ANKRD6: variants seen among roughly 807,000 people sequenced by gnomAD.
The protein encoded by ANKRD6 is ankyrin repeat domain 6, also known as ankyrin repeat domain-containing protein 6.
A neutral mutation model predicts 82.3 loss-of-function variants in ANKRD6; 56 were observed. That is an observed-to-expected ratio of 0.68 (90% CI 0.55 to 0.85). ANKRD6 has a LOEUF of 0.85. Among genes scored for constraint, ANKRD6 ranks in the 40% least tolerant of loss-of-function variants. The pLI is 0.00. For synonymous variants in ANKRD6, 347 were observed against 352.1 expected (o/e 0.99, Z 0.16); for missense variants, 852 against 907.6 (o/e 0.94, Z 0.79).
Position 89,473,936 on chromosome 6 carries a change from G to A in ANKRD6, c.-144+40561G>A, listed in dbSNP as rs545803469. On this transcript the variant is annotated intron_variant, in intron 1 of 15. Transcript: ENST00000339746. ...CAGAGGTGAGAAGTGAGCCAAGATC[G>A]TGCCACTGCACTCAAGCCTGGACAA... Among the ~76,000 whole-genome samples the A allele has an allele frequency of 2.1e-4, 32 of 152,230 alleles. No homozygotes were observed. The South Asian group carries it at 6.6e-3, about 32-fold the overall frequency.
intron 1 of ANKRD6, among the ~76,000 whole-genome samples, chr6:89,538,144 G>GT (rs1482243271): frequency 2.0e-5 from 3 of 152,008 alleles, no homozygotes; most frequent in Non-Finnish European, 4.4e-5. Context: ...AACATTTTAA[G>GT]TTTTTTTAAT....
chr6:89,547,291 A>T (rs1785224002), intron 1 of ANKRD6, among the ~76,000 whole-genome samples: 1 of 152,156 alleles, frequency 6.6e-6, no homozygotes, highest in Non-Finnish European at 1.5e-5. Flanking sequence ...GAGGTGGGAA[A>T]CCACTGTTGG....
At chr6:89,493,554 C>A (rs1313840217) in intron 1 of ANKRD6, among the ~76,000 whole-genome samples, 1 of 152,146 alleles carries the variant, frequency 6.6e-6, no homozygotes, top group Non-Finnish European at 1.5e-5. Context: ...GGACTACAGG[C>A]ATGCACTATC....
Position 89,630,608 on chromosome 6 carries a change from C to G in ANKRD6, c.1788C>G (p.Ala596=). 1 of 1,613,900 alleles carries G rather than the reference C, an allele frequency of 6.2e-7. No individual in the cohort carries two copies. The highest frequency in any genetic ancestry group is 1.3e-5 in the African/African-American group (1 of 75,066). Residue 596 remains alanine (A), a synonymous_variant, in exon 16 of 16, where the codon GCC becomes GCG. Transcript: ENST00000339746. The part of the protein sequence containing the change: ...SRLRNVKVQT[A]LLPMNEAARS... ...TGAGAAACGTCAAGGTCCAGACAGC[C>G]TTGCTACCCATGAATGAGGCAGCCA...
At chr6:89,455,055 G>C (rs1208421072) in intron 1 of ANKRD6, among the ~76,000 whole-genome samples, 1 of 151,782 alleles carries the variant, frequency 6.6e-6, no homozygotes, top group Non-Finnish European at 1.5e-5. Flanking sequence ...TGTTGGCCAG[G>C]CTGGTCTCGA....
chr6:89,438,962 A>T (rs1282064082), intron 1 of ANKRD6, among the ~76,000 whole-genome samples: 1 of 152,074 alleles, frequency 6.6e-6, no homozygotes, highest in Non-Finnish European at 1.5e-5. Flanking sequence ...CTTTCTAAAC[A>T]TATATGTGTA....
At chr6:89,604,315 C>T (rs139627960) in intron 4 of ANKRD6, among the ~76,000 whole-genome samples, 2,305 of 151,006 alleles carry the variant, frequency 0.015, 70 homozygotes, top group African/African-American at 0.054. Flanking sequence ...GCAACAAGAG[C>T]GAAACTCTTG....
At chr6:89,510,357 G>A (rs1274135561) in intron 1 of ANKRD6, among the ~76,000 whole-genome samples, 3 of 151,770 alleles carry the variant, frequency 2.0e-5, no homozygotes, top group African/African-American at 7.3e-5. Context: ...CAAATAGGTT[G>A]GCCACTTAAA....
At chr6:89,441,944 C>T (rs1771449464) in intron 1 of ANKRD6, among the ~76,000 whole-genome samples, 1 of 151,528 alleles carries the variant, frequency 6.6e-6, no homozygotes, top group Non-Finnish European at 1.5e-5. Context: ...CCATGGTTTT[C>T]AAGAGGTCCT....
intron 1 of ANKRD6, among the ~76,000 whole-genome samples, chr6:89,521,739 C>A (rs890998704): frequency 6.6e-5 from 10 of 151,706 alleles, no homozygotes; most frequent in African/African-American, 2.2e-4. Flanking sequence ...GATCTATTTT[C>A]CTTTGTAAAA....
intron 1 of ANKRD6, among the ~76,000 whole-genome samples, chr6:89,523,149 T>G (rs898822983): frequency 7.9e-5 from 12 of 152,230 alleles, no homozygotes; most frequent in Non-Finnish European, 7.3e-5. Flanking sequence ...TGTATTGGGT[T>G]GTAGGCCTCA....
At chr6:89,547,691 T>A (rs1055084176) in intron 1 of ANKRD6, among the ~76,000 whole-genome samples, 3 of 152,168 alleles carry the variant, frequency 2.0e-5, no homozygotes, top group Non-Finnish European at 4.4e-5. Flanking sequence ...TTTAACTCCT[T>A]ACATAATATT....
chr6:89,467,571 T>C (rs1414292183), intron 1 of ANKRD6, among the ~76,000 whole-genome samples: 1 of 152,220 alleles, frequency 6.6e-6, no homozygotes, highest in Non-Finnish European at 1.5e-5. Flanking sequence ...TAGCTCCCCA[T>C]GTAGATCAAA....
intron 2 of ANKRD6, among the ~76,000 whole-genome samples, chr6:89,583,235 A>G (rs946272221): frequency 3.3e-5 from 5 of 152,342 alleles, no homozygotes; most frequent in Non-Finnish European, 5.9e-5. Context: ...GTGGTTAGAC[A>G]TCTGGAAGTT....
chr6:89,516,487 G>C (rs1220234567), intron 1 of ANKRD6, among the ~76,000 whole-genome samples: 1 of 151,926 alleles, frequency 6.6e-6, no homozygotes, highest in East Asian at 1.9e-4. Context: ...TTCCATTCTA[G>C]ATTTTTTTTA....
At chr6:89,509,488 T>A (rs752132902) in intron 1 of ANKRD6, among the ~76,000 whole-genome samples, 4 of 152,182 alleles carry the variant, frequency 2.6e-5, no homozygotes, top group Non-Finnish European at 5.9e-5. Context: ...GTGGGCTAAG[T>A]AAGACGTGGA....
At chr6:89,509,662 G>A (rs77183042) in intron 1 of ANKRD6, among the ~76,000 whole-genome samples, 2,810 of 152,154 alleles carry the variant, frequency 0.018, 91 homozygotes, top group African/African-American at 0.062. Context: ...TATGGTACTT[G>A]CGGCATTAGC....
At chr6:89,499,589 C>T (rs140827903) in intron 1 of ANKRD6, among the ~76,000 whole-genome samples, 15 of 152,166 alleles carry the variant, frequency 9.9e-5, no homozygotes, top group African/African-American at 3.4e-4. Flanking sequence ...TTATTTAGCA[C>T]CTGCAGGCCA....
intron 1 of ANKRD6, among the ~76,000 whole-genome samples, chr6:89,496,477 T>C (rs1470247645): frequency 6.6e-6 from 1 of 152,198 alleles, no homozygotes; most frequent in African/African-American, 2.4e-5. Flanking sequence ...TTTCTCCCTT[T>C]GCCCTTTCAG....
Sources: allele counts gnomAD v4.1 joint callset (sites outside exome capture counted in the v4.1 genomes callset), GRCh38; gene constraint gnomAD v4.1.1; transcripts MANE v1.5; gene names NCBI Gene and HGNC (gene_info 2026-07-23, HGNC 2026-07-21).